The following COG5 variants were observed in gnomAD, a reference collection of about 807,000 sequenced individuals.
COG5 encodes conserved oligomeric Golgi complex subunit 5.
COG5 carries 86 observed loss-of-function variants against 110.4 expected under a neutral mutation model. That is an observed-to-expected ratio of 0.78 (90% confidence interval 0.65 to 0.93). COG5 has a LOEUF of 0.93. Ranked by LOEUF, COG5 falls within the 40% of genes least tolerant of loss-of-function variation. The pLI is 0.00. For synonymous variants in COG5, 360 were observed against 334.6 expected, an observed-to-expected ratio of 1.08 and a Z score of -0.83; for missense variants, 1,077 against 987.0, an observed-to-expected ratio of 1.09 and a Z score of -1.22.
chr7:107,522,389 A>G (rs1584929158), intron 6 of COG5, among the ~76,000 whole-genome samples: 1 of 152,100 alleles, frequency 6.6e-6, no homozygotes, highest in Non-Finnish European at 1.5e-5. Flanking sequence ...AGTCGCTTGA[A>G]CCCAGGAGGC....
chr7:107,210,170 A>T, intron 21 of COG5: 1 of 1,117,674 alleles, frequency 8.9e-7, no homozygotes, highest in Non-Finnish European at 1.1e-6. Flanking sequence ...TGTTCCACCA[A>T]TTCAGTAACT....
intron 5 of COG5, among the ~76,000 whole-genome samples, chr7:107,532,044 G>A (rs1273543232): frequency 2.0e-5 from 3 of 152,096 alleles, no homozygotes; most frequent in South Asian, 2.1e-4. Context: ...GTTTCTTTTA[G>A]TAGAAAACAG....
chr7:107,377,931 C>G (rs528439809), intron 7 of COG5, among the ~76,000 whole-genome samples: 2 of 152,174 alleles, frequency 1.3e-5, no homozygotes, highest in Non-Finnish European at 2.9e-5. Flanking sequence ...AAGGGACAGA[C>G]GGCCTCCTCA....
chr7:107,271,905 T>C (rs1232667464), intron 14 of COG5, among the ~76,000 whole-genome samples: 1 of 152,210 alleles, frequency 6.6e-6, no homozygotes, highest in African/African-American at 2.4e-5. Context: ...AGCTGCATCC[T>C]ACAAATGCCA....
intron 11 of COG5, among the ~76,000 whole-genome samples, chr7:107,300,936 T>C (rs1807208322): frequency 6.6e-6 from 1 of 152,052 alleles, no homozygotes; most frequent in Admixed American, 6.6e-5. Context: ...ACACTAGTAC[T>C]GGGGTAAAGA....
At chr7:107,499,324 T>C (rs12112443) in intron 6 of COG5, among the ~76,000 whole-genome samples, 35 of 152,052 alleles carry the variant, frequency 2.3e-4, no homozygotes, top group Admixed American at 1.8e-3. Context: ...TTCTAAAATT[T>C]AAAAAAGAAA....
At chr7:107,460,064 C>T (rs1383833573) in intron 6 of COG5, among the ~76,000 whole-genome samples, 2 of 151,872 alleles carry the variant, frequency 1.3e-5, no homozygotes, top group South Asian at 2.1e-4. Flanking sequence ...AATTAGAAAC[C>T]GATAACAAAA....
intron 3 of COG5, 142 bp downstream of exon 3, chr7:107,554,143 C>T (rs1472847725): frequency 7.0e-6 from 5 of 718,778 alleles, no homozygotes; most frequent in Non-Finnish European, 1.3e-5. Context: ...TACTTTCACT[C>T]TACAATGGCA....
At chr7:107,412,475 A>AT (rs1563018431) in intron 7 of COG5, 27 bp downstream of exon 7, 1 of 1,600,196 alleles carries the variant, frequency 6.2e-7, no homozygotes, top group South Asian at 1.1e-5. Flanking sequence ...CATTTTTTAC[A>AT]TTAAAAAACA....
intron 10 of COG5, among the ~76,000 whole-genome samples, chr7:107,345,844 A>G (rs1423220761): frequency 1.3e-5 from 2 of 152,240 alleles, no homozygotes; most frequent in African/African-American, 4.8e-5. Context: ...ATATTGGATT[A>G]CTAAAAATAA....
At chr7:107,434,907 T>C (rs772035272) in intron 6 of COG5, among the ~76,000 whole-genome samples, 1 of 151,682 alleles carries the variant, frequency 6.6e-6, no homozygotes, top group African/African-American at 2.4e-5. Flanking sequence ...GAGGCGGAGA[T>C]TGCAGTGAGC....
intron 5 of COG5, among the ~76,000 whole-genome samples, chr7:107,538,943 AC>A (rs1428655318): frequency 6.6e-6 from 1 of 152,168 alleles, no homozygotes; most frequent in Non-Finnish European, 1.5e-5. Flanking sequence ...GTAAAGAAGT[AC>A]CTAAGTCCTC....
chr7:107,299,844 T>G (rs1807086856), intron 11 of COG5, among the ~76,000 whole-genome samples: 1 of 142,772 alleles, frequency 7.0e-6, no homozygotes. Flanking sequence ...TATATATATA[T>G]ATATATATAT....
intron 17 of COG5, among the ~76,000 whole-genome samples, chr7:107,244,121 G>A (rs1472791160): frequency 2.0e-5 from 3 of 151,780 alleles, no homozygotes; most frequent in Non-Finnish European, 2.9e-5. Flanking sequence ...TAGGGGTGGT[G>A]CGGGCCTGTA....
chr7:107,516,093 AGTTTT>A (rs1399868521), intron 6 of COG5, among the ~76,000 whole-genome samples: 3 of 152,244 alleles, frequency 2.0e-5, no homozygotes, highest in Non-Finnish European at 2.9e-5. Flanking sequence ...TACACTTTGT[AGTTTT>A]ATTTTTTAAA....
At chr7:107,510,847 G>A (rs1426955892) in intron 6 of COG5, among the ~76,000 whole-genome samples, 3 of 152,164 alleles carry the variant, frequency 2.0e-5, no homozygotes, top group African/African-American at 4.8e-5. Context: ...TGAAACCAAC[G>A]GAAACAAAGA....
At chr7:107,387,448 G>A (rs1264896837) in intron 7 of COG5, among the ~76,000 whole-genome samples, 1 of 152,252 alleles carries the variant, frequency 6.6e-6, no homozygotes, top group East Asian at 1.9e-4. Flanking sequence ...AGGAAGCCCA[G>A]GGCAAAATTT....
intron 21 of COG5, chr7:107,209,766 T>C (rs1388352730): frequency 4.2e-6 from 4 of 959,238 alleles, no homozygotes; most frequent in African/African-American, 3.5e-5. Flanking sequence ...ACCATGCTGA[T>C]AAAATGTGAG....
At chr7:107,437,740 T>C (rs528028930) in intron 6 of COG5, among the ~76,000 whole-genome samples, 8 of 152,184 alleles carry the variant, frequency 5.3e-5, no homozygotes, top group Admixed American at 3.9e-4. Context: ...ACATTCCTCA[T>C]AGAAACTGAA....
Sources: gnomAD v4.1 joint callset for allele counts (sites outside exome capture counted in the v4.1 genomes callset) on GRCh38, gnomAD v4.1.1 for gene constraint, MANE v1.5 for transcripts, NCBI Gene and HGNC (gene_info 2026-07-23, HGNC 2026-07-21) for gene names.